Variants in UNKL observed in about 807,000 individuals in gnomAD.
UNKL encodes the protein unk like zinc finger, also known as putative E3 ubiquitin-protein ligase UNKL.
In UNKL, 60 loss-of-function variants were observed where a neutral mutation model predicts 78.0. The ratio of observed to expected loss-of-function variants is 0.77; its 90% CI spans 0.63 to 0.95. The LOEUF is 0.95. UNKL is among the 40% of genes least tolerant of loss of function. The pLI, the probability that UNKL is intolerant of heterozygous loss-of-function variation, is 0.00. For missense variants in UNKL, 1,159 were observed against 1,045.7 expected, an observed-to-expected ratio of 1.11 and a Z score of -1.49; for synonymous variants, 608 against 474.8, an observed-to-expected ratio of 1.28 and a Z score of -3.65.
In UNKL at chr16:1,363,422, TC is replaced by T. The variant is rs544096810; in HGVS notation, c.*2817del. The T allele has an allele frequency of 1.4e-3, 501 of 364,642 alleles. 9 individuals carry two copies. Among genetic ancestry groups the T allele is most frequent in the South Asian group, 0.011 (481 of 44,584 alleles). The allele number at this position is 364,642 out of a possible 1,614,324, so 22.6% of individuals were successfully genotyped here. ...ATACTCAAACATACAGATTGAGGCT[TC>T]CAGAAATTAATCCACTTGAGGCGTC... On this transcript the variant is annotated 3_prime_UTR_variant, in exon 15 of 15. Transcript: ENST00000389221.
At position 1,403,084 on chromosome 16, in the gene UNKL, C is replaced by T. The variant is rs867566489; in HGVS notation, c.464+84G>A. 12 of 1,454,388 alleles carry T rather than the reference C, an allele frequency of 8.3e-6. No individual in the cohort carries two copies. The highest frequency in any genetic ancestry group is 2.4e-4 in the Middle Eastern group (1 of 4,092). 90.1% of individuals were successfully genotyped at this position (1,454,388 alleles called of 1,614,324 possible). ...AGCAGAGCCTGCAGCAGCAGGGAGGCGAGCCACTTGCCGAGTTCCTGCTCA... is the reference window on the plus strand; with the variant it reads ...AGCAGAGCCTGCAGCAGCAGGGAGGTGAGCCACTTGCCGAGTTCCTGCTCA... On this transcript the variant is annotated intron_variant, in intron 3 of 14. Transcript: ENST00000389221. This position sits in a 1 kb window ranked among gnomAD's most constrained non-coding sequence, Gnocchi z 4.8.
chr16:1,393,020 G>A, intron 7 of UNKL, 44 bp from the exon 8 acceptor site: 1 of 1,538,986 alleles, frequency 6.5e-7, no homozygotes, highest in South Asian at 1.2e-5. Context: ...CCGCTGGTGG[G>A]CGACAGTGAC....
At chr16:1,383,131 G>A (rs1176264048) in intron 10 of UNKL, among the ~76,000 whole-genome samples, 2 of 150,708 alleles carry the variant, frequency 1.3e-5, no homozygotes, top group Non-Finnish European at 3.0e-5. Context: ...AATTAGCCGG[G>A]CGTAGTGGCA....
chr16:1,366,784 CAT>C (rs1381854984), intron 14 of UNKL, among the ~76,000 whole-genome samples: 2 of 151,718 alleles, frequency 1.3e-5, no homozygotes, highest in South Asian at 4.1e-4. Context: ...GTGGAGGGGT[CAT>C]GTGTGAGGGT....
intron 2 of UNKL, chr16:1,405,773 C>T (rs895682514): frequency 8.6e-6 from 3 of 348,800 alleles, no homozygotes; most frequent in African/African-American, 6.4e-5. Context: ...TGAGCAGAGC[C>T]ACGTGATTAC....
Position 1,399,138 on chromosome 16 carries a change from A to T in UNKL, c.734+236T>A. On this transcript the variant is annotated intron_variant, in intron 5 of 14. Coordinates refer to ENST00000389221, the MANE Select transcript of UNKL (RefSeq NM_001372107.1). This position sits in a 1 kb window ranked among gnomAD's most constrained non-coding sequence, Gnocchi z 5.8. ...CCTTGCCTGGCAGAGGGGCCCCGGT[A>T]GGGGACTGCATGGGAGACACTGAGC... The T allele has an allele frequency of 8.8e-7, 1 of 1,136,484 alleles. No individual in the cohort carries two copies. Among genetic ancestry groups the T allele is most frequent in the East Asian group, 2.6e-5 (1 of 37,784 alleles). The allele number at this position is 1,136,484 out of a possible 1,614,324, so 70.4% of individuals were successfully genotyped here.
At chr16:1,366,985 T>A in intron 14 of UNKL, 107 bp downstream of exon 14, 1 of 1,432,554 alleles carries the variant, frequency 7.0e-7, no homozygotes, top group Non-Finnish European at 9.1e-7. Flanking sequence ...GAGCAGACCC[T>A]GGGGCAGGGG....
intron 14 of UNKL, 50 bp downstream of exon 14, chr16:1,367,042 G>A (rs763480340): frequency 3.4e-6 from 5 of 1,471,192 alleles, no homozygotes; most frequent in Admixed American, 2.3e-5. Context: ...GACAGGGACA[G>A]CAGCCCTGCA....
At position 1,410,263 on chromosome 16, in the gene UNKL, C is replaced by CT. The variant is rs1437172929; in HGVS notation, c.287+3582dup. Among the ~76,000 whole-genome samples the CT allele has an allele frequency of 2.2e-5, 3 of 134,080 alleles. No homozygotes were observed. In the East Asian group the frequency reaches 6.8e-4, roughly 30 times the overall value. 88.0% of individuals were successfully genotyped at this position (134,080 alleles called of 152,430 possible). ...CCTGGGTGACAAAGCAAGACCCTGT[C>CT]TCAGAAAAAAAAAAAAAAGAGAGAA... On this transcript the variant is annotated intron_variant, in intron 2 of 14. Transcript: ENST00000389221.
At chr16:1,372,601 AAGCCACAGCGTGTCTCAAACTCCCGC>A (rs1285863026) in intron 10 of UNKL, among the ~76,000 whole-genome samples, 1 of 152,180 alleles carries the variant, frequency 6.6e-6, no homozygotes, top group Non-Finnish European at 1.5e-5. Flanking sequence ...CCAGCCCCTG[AAGCCACAGCGTGTCTCAAACTCCCGC>A]AGCCACTGCA....
intron 10 of UNKL, among the ~76,000 whole-genome samples, chr16:1,382,385 T>C (rs1348066276): frequency 6.6e-6 from 1 of 152,210 alleles, no homozygotes; most frequent in Non-Finnish European, 1.5e-5. Flanking sequence ...AGCCCTTCCC[T>C]GGGCAGGGCA....
chr16:1,395,860 T>C (rs1035572429), intron 6 of UNKL: 1 of 427,218 alleles, frequency 2.3e-6, no homozygotes, highest in Admixed American at 2.4e-5. Flanking sequence ...GAAAGCATGA[T>C]GCGCGTCTGT....
chr16:1,371,289 G>C (rs2035816360), intron 11 of UNKL, among the ~76,000 whole-genome samples: 1 of 152,192 alleles, frequency 6.6e-6, no homozygotes, highest in Admixed American at 6.5e-5. Context: ...GTGCAGGGGA[G>C]GGAAAGGGAG....
At chr16:1,410,796 G>A (rs764720560) in intron 2 of UNKL, among the ~76,000 whole-genome samples, 3 of 152,176 alleles carry the variant, frequency 2.0e-5, no homozygotes, top group Non-Finnish European at 2.9e-5. Context: ...ACAAATACCT[G>A]CCTTTGAAAG....
intron 10 of UNKL, among the ~76,000 whole-genome samples, chr16:1,371,984 C>A (rs184981406): frequency 1.3e-5 from 2 of 152,214 alleles, no homozygotes; most frequent in South Asian, 2.1e-4. Context: ...GGGCCGGGTG[C>A]GGTGGCTCAC....
At chr16:1,379,826 T>A in intron 10 of UNKL, 1 of 581,054 alleles carries the variant, frequency 1.7e-6, no homozygotes, top group Non-Finnish European at 2.2e-6. Context: ...CCGCGGCTCC[T>A]GGCTACGAGC....
intron 2 of UNKL, chr16:1,405,974 A>C (rs2037740569): frequency 4.4e-6 from 2 of 456,610 alleles, no homozygotes; most frequent in African/African-American, 2.0e-5. Context: ...ATGCATCAAA[A>C]TCACCTAGGA....
Position 1,387,118 on chromosome 16 carries a change from C to A in UNKL, c.1087-1733G>T, listed in dbSNP as rs190737905. Among the ~76,000 whole-genome samples the A allele has an allele frequency of 6.6e-6, 1 of 151,938 alleles. No homozygotes were observed. The highest frequency in any genetic ancestry group is 1.9e-4 in the East Asian group (1 of 5,178). ...CGGGGACCCTCCCAGCAATGCAGCA[C>A]CGGGGACCCTCCCAGCCATGCAGCA... On this transcript the variant is annotated intron_variant, in intron 9 of 14. Transcript: ENST00000389221. This position sits in a 1 kb window ranked among gnomAD's most constrained non-coding sequence, Gnocchi z 4.1.
intron 9 of UNKL, among the ~76,000 whole-genome samples, chr16:1,386,034 G>A (rs2036799407): frequency 6.6e-6 from 1 of 152,242 alleles, no homozygotes; most frequent in African/African-American, 2.4e-5. Context: ...GGAGGGTGCT[G>A]CTCACAAGAA....
Sources: allele counts gnomAD v4.1 joint callset (sites outside exome capture counted in the v4.1 genomes callset), GRCh38; gene constraint gnomAD v4.1.1; non-coding constraint Gnocchi (gnomAD v3.1); transcripts MANE v1.5; gene names NCBI Gene and HGNC (gene_info 2026-07-23, HGNC 2026-07-21).